The following ADAMTS10 variants were observed in gnomAD, a reference collection of about 807,000 sequenced individuals.
ADAMTS10 encodes the protein A disintegrin and metalloproteinase with thrombospondin motifs 10.
ADAMTS10 carries 48 observed loss-of-function variants against 135.9 expected under a neutral mutation model. The ratio of observed to expected loss-of-function variants is 0.35; its 90% CI spans 0.28 to 0.45. The LOEUF is 0.45. Among genes scored for constraint, ADAMTS10 ranks in the 20% least tolerant of loss-of-function variants. The probability of loss-of-function intolerance (pLI) is 1.00; values close to 1 mark genes in which losing one functional copy is unlikely to be tolerated. For missense variants in ADAMTS10, 1,131 were observed against 1,565.2 expected, an observed-to-expected ratio of 0.72 and a Z score of 4.68; for synonymous variants, 621 against 647.5, an observed-to-expected ratio of 0.96 and a Z score of 0.62.
rs782349542 is a variant in ADAMTS10, at chr19:8,596,336, C to T, written c.1161G>A (p.Ala387=). ...GCCCGATCTCGTGGGCAATGGTGAACGCTGTGGCCAGGCCAATGTCCTCAT... is the reference window on the plus strand; with the variant it reads ...GCCCGATCTCGTGGGCAATGGTGAATGCTGTGGCCAGGCCAATGTCCTCAT... The part of the protein sequence containing the change: ...SVNEDIGLAT[A]FTIAHEIGHT... The change falls in exon 10 of 26, where the codon GCG becomes GCA. Residue 387 remains alanine (A), a synonymous_variant. Transcript: ENST00000597188. This position sits in a 1 kb window ranked among gnomAD's most constrained non-coding sequence, Gnocchi z 7.2. 3.7e-5 allele frequency: 60 copies of T among 1,612,828 alleles called. No homozygotes were observed. The highest frequency in any genetic ancestry group is 2.0e-4 in the Admixed American group (12 of 59,914).
At chr19:8,583,269 G>A (rs1461269142) in intron 25 of ADAMTS10, among the ~76,000 whole-genome samples, 2 of 151,856 alleles carry the variant, frequency 1.3e-5, no homozygotes, top group African/African-American at 4.8e-5. Flanking sequence ...GACCTGGCGC[G>A]GTGGCTCATG....
Position 8,605,651 on chromosome 19 carries a change from G to A in ADAMTS10, c.60C>T (p.Phe20=), listed in dbSNP as rs782011256. The A allele has an allele frequency of 2.3e-5, 37 of 1,613,460 alleles. No homozygotes were observed. Among genetic ancestry groups the A allele is most frequent in the Middle Eastern group, 1.6e-4 (1 of 6,084 alleles). ...GAGACCGGAAGGCGTGCGTGACCTCGAACATGAGGCCCAGCCCCAGGGCGA... is the reference window on the plus strand; with the variant it reads ...GAGACCGGAAGGCGTGCGTGACCTCAAACATGAGGCCCAGCCCCAGGGCGA... ...WALALGLGLM[F]EVTHAFRSQD... is the part of the protein sequence containing the mutation. Residue 20 remains phenylalanine (F), a synonymous_variant, in exon 3 of 26, where the codon TTC becomes TTT. Coordinates refer to ENST00000597188, the MANE Select transcript of ADAMTS10 (RefSeq NM_030957.4). The surrounding 1 kb of genome is among the most constrained non-coding windows in gnomAD (Gnocchi z 7.7).
At position 8,580,996 on chromosome 19, in the gene ADAMTS10, T is replaced by C; in HGVS notation, c.3209A>G (p.Lys1070Arg). Residue 1070 changes from lysine to arginine, a missense_variant, in exon 26 of 26, where the codon AAG becomes AGG. Physicochemically the swap from Lys to Arg is conservative, Grantham distance 26. This residue lies in a region of ADAMTS10 where 745 missense variants were observed against 1,056.3 expected (regional missense o/e 0.71). Transcript: ENST00000597188. The part of the protein sequence containing the change: ...PTPGDGPEEC[K>R]DVNKVAYCPL... ...GCAGTAGGCGACCTTGTTCACATCC[T>C]TGCACTCTGCGGGGACGGGAGAAGG... The C allele has an allele frequency of 1.2e-6, 2 of 1,612,566 alleles. No homozygotes were observed. The highest frequency in any genetic ancestry group is 1.1e-5 in the South Asian group (1 of 90,918).
chr19:8,586,495 T>C (rs782416288), intron 20 of ADAMTS10, 25 bp from the exon 21 acceptor site: 37 of 1,613,318 alleles, frequency 2.3e-5, no homozygotes, highest in South Asian at 1.5e-4. Context: ...CGGCAGCCAG[T>C]GGAAGGATCG....
intron 13 of ADAMTS10, 199 bp from the exon 14 acceptor site, chr19:8,592,302 G>C (rs984506151): frequency 1.8e-6 from 2 of 1,092,562 alleles, no homozygotes; most frequent in Middle Eastern, 3.1e-4. Flanking sequence ...CGAGAGGCGT[G>C]GCCTGAGCAC....
Position 8,596,535 on chromosome 19 carries a change from CG to C in ADAMTS10, c.1084+6del, listed in dbSNP as rs782795550. The C allele has an allele frequency of 6.2e-7, 1 of 1,613,928 alleles. No individual in the cohort carries two copies. The highest frequency in any genetic ancestry group is 1.7e-5 in the Admixed American group (1 of 60,010). ...ATAGGCGCCTGAAACCTACGGGGCT[CG>C]GGTACCTAGTGTGCCGCAGGGTTTG... On this transcript the variant is annotated splice_donor_region_variant and intron_variant, in intron 9 of 25. Transcript: ENST00000597188. The surrounding 1 kb of genome is among the most constrained non-coding windows in gnomAD (Gnocchi z 7.2).
At chr19:8,604,431 A>G (rs548042011) in intron 4 of ADAMTS10, among the ~76,000 whole-genome samples, 1 of 148,202 alleles carries the variant, frequency 6.7e-6, no homozygotes, top group African/African-American at 2.4e-5. Context: ...GTGTATACAT[A>G]CACATACACA....
chr19:8,592,711 G>T, intron 13 of ADAMTS10, 52 bp downstream of exon 13: 28 of 1,545,140 alleles, frequency 1.8e-5, no homozygotes, highest in Non-Finnish European at 2.5e-5. Context: ...TGGCCAACGC[G>T]GGAGGTGGCT....
rs1600087819 is a variant in ADAMTS10 at position 8,581,083 on chromosome 19, C to T, written c.3203-81G>A. Reference sequence around the variant, plus strand: ...GCTGCACACACGACCTGCAGTGCTTCCTGGCCAGTGACTTTCTGTGCCTTG... The same window carrying T: ...GCTGCACACACGACCTGCAGTGCTTTCTGGCCAGTGACTTTCTGTGCCTTG... On this transcript the variant is annotated intron_variant, in intron 25 of 25. Transcript: ENST00000597188. 1.3e-5 allele frequency: 10 copies of T among 773,562 alleles called. No homozygotes were observed. The East Asian group carries it at 3.0e-4, about 23-fold the overall frequency. 47.9% of individuals were successfully genotyped at this position (773,562 alleles called of 1,614,324 possible). A position where few individuals can be genotyped will look rare whatever the true frequency, so the allele number is the denominator to read the frequency against.
intron 4 of ADAMTS10, 24 bp downstream of exon 4, chr19:8,604,988 C>G (rs7260282): frequency 1.3e-6 from 2 of 1,571,548 alleles, no homozygotes; most frequent in Admixed American, 1.9e-5. Context: ...CATTTCCCCC[C>G]GCGTTCCAGA....
chr19:8,584,776 C>T, intron 25 of ADAMTS10, 119 bp downstream of exon 25: 8 of 1,383,214 alleles, frequency 5.8e-6, no homozygotes, highest in Non-Finnish European at 6.9e-6. Context: ...CTGGCAGAGA[C>T]ACAGCAATGC....
In ADAMTS10 at chr19:8,586,453, C is replaced by T; in HGVS notation, c.2421G>A (p.Glu807=). ...TGAAGCGGTAGCGGAGGGCAGGCAG[C>T]TCGGTCCGGGCCAGCACCTGGAGAA... ...SLIVMVLART[E]LPALRYRFNA... The change falls in exon 21 of 26, where the codon GAG becomes GAA. Residue 807 remains glutamate (E), a synonymous_variant. Coordinates refer to ENST00000597188, the MANE Select transcript of ADAMTS10 (RefSeq NM_030957.4). The T allele has an allele frequency of 6.2e-7, 1 of 1,613,752 alleles. No individual in the cohort carries two copies. The highest frequency in any genetic ancestry group is 2.2e-5 in the East Asian group (1 of 44,884).
intron 1 of ADAMTS10, among the ~76,000 whole-genome samples, chr19:8,608,966 A>G (rs2042751157): frequency 7.0e-6 from 1 of 143,466 alleles, no homozygotes; most frequent in African/African-American, 2.6e-5. Context: ...TCCAGCCCAC[A>G]GGGTGGTGTC....
At position 8,605,846 on chromosome 19, in the gene ADAMTS10, C is replaced by T; in HGVS notation, c.-99-37G>A. ...GAGCCAGGTAAGGGGGCGCCTGGTCCCGCTGTCCAGCACAACCAATGCCAA... is the reference window on the plus strand; with the variant it reads ...GAGCCAGGTAAGGGGGCGCCTGGTCTCGCTGTCCAGCACAACCAATGCCAA... On this transcript the variant is annotated intron_variant, in intron 2 of 25. Transcript: ENST00000597188. The surrounding 1 kb of genome is among the most constrained non-coding windows in gnomAD (Gnocchi z 7.7). 1 of 1,475,326 alleles carries T rather than the reference C, an allele frequency of 6.8e-7. No individual in the cohort carries two copies. Among genetic ancestry groups the T allele is most frequent in the South Asian group, 1.3e-5 (1 of 75,650 alleles). 91.4% of individuals were successfully genotyped at this position (1,475,326 alleles called of 1,614,324 possible). A position where few individuals can be genotyped will look rare whatever the true frequency, so the allele number is the denominator to read the frequency against.
In ADAMTS10 at chr19:8,589,235, C is replaced by A; in HGVS notation, c.2158+7G>T. 6.2e-7 allele frequency: 1 copy of A among 1,612,516 alleles called. No homozygotes were observed. Among genetic ancestry groups the A allele is most frequent in the South Asian group, 1.1e-5 (1 of 91,080 alleles). ...GGGAGTGTGGGAGGGAAGCTGGAGA[C>A]TCTCACCGGCCCCAGGTGAGGCTGG... On this transcript the variant is annotated splice_region_variant and intron_variant, in intron 18 of 25. Transcript: ENST00000597188.
intron 12 of ADAMTS10, among the ~76,000 whole-genome samples, chr19:8,593,792 C>T (rs889801419): frequency 1.3e-5 from 2 of 152,140 alleles, no homozygotes; most frequent in African/African-American, 2.4e-5. Flanking sequence ...AACCTCCCAG[C>T]GTCTTTCCTC....
intron 22 of ADAMTS10, 124 bp downstream of exon 22, chr19:8,585,998 A>C: frequency 4.7e-6 from 7 of 1,498,204 alleles, no homozygotes; most frequent in Non-Finnish European, 5.5e-6. Context: ...TCACTGCAGC[A>C]CTCGGCCCAC....
intron 22 of ADAMTS10, 121 bp from the exon 23 acceptor site, chr19:8,585,781 C>T: frequency 9.6e-7 from 1 of 1,037,788 alleles, no homozygotes; most frequent in Non-Finnish European, 1.4e-6. Flanking sequence ...AAACTGGCAC[C>T]AGGCACCTCC....
At chr19:8,592,194 G>A in intron 13 of ADAMTS10, 91 bp from the exon 14 acceptor site, 1 of 1,603,604 alleles carries the variant, frequency 6.2e-7, no homozygotes, top group South Asian at 1.1e-5. Context: ...CCCAGCCAGA[G>A]ATATCAGCCT....
Sources: allele counts gnomAD v4.1 joint callset (sites outside exome capture counted in the v4.1 genomes callset), GRCh38; gene constraint gnomAD v4.1.1; regional missense constraint gnomAD v4.1.1; non-coding constraint Gnocchi (gnomAD v3.1); transcripts MANE v1.5; gene names NCBI Gene and HGNC (gene_info 2026-07-23, HGNC 2026-07-21).